SCAF4: variants seen among roughly 807,000 people sequenced by gnomAD.
SCAF4 encodes SR-related CTD associated factor 4.
In SCAF4, 25 loss-of-function variants were observed where a neutral mutation model predicts 129.8. The observed-to-expected ratio is 0.19, with a 90% confidence interval of 0.14 to 0.27. The LOEUF (loss-of-function observed/expected upper bound fraction) is 0.27, where lower values mean the gene tolerates loss of function less well. Among genes scored for constraint, SCAF4 ranks in the 10% least tolerant of loss-of-function variants. The pLI, the probability that SCAF4 is intolerant of heterozygous loss-of-function variation, is 1.00. For missense variants in SCAF4, 1,246 were observed against 1,457.1 expected (o/e 0.86, Z 2.36); for synonymous variants, 551 against 497.7 (o/e 1.11, Z -1.43).
At chr21:31,675,126 G>A (rs1465789634) in intron 19 of SCAF4, among the ~76,000 whole-genome samples, 2 of 152,262 alleles carry the variant, frequency 1.3e-5, no homozygotes, top group South Asian at 4.1e-4. Flanking sequence ...GTGGTTCAGA[G>A]AACCACAATA....
At chr21:31,729,710 T>C (rs527800770) in intron 1 of SCAF4, among the ~76,000 whole-genome samples, 2 of 152,366 alleles carry the variant, frequency 1.3e-5, no homozygotes, top group South Asian at 4.1e-4. Flanking sequence ...CTGGCATTCT[T>C]TGCAGTTCAT....
At chr21:31,728,604 A>G (rs911338966) in intron 1 of SCAF4, among the ~76,000 whole-genome samples, 2 of 152,146 alleles carry the variant, frequency 1.3e-5, no homozygotes, top group African/African-American at 4.8e-5. Context: ...CTCATCTGTA[A>G]TTGGACGTCT....
intron 1 of SCAF4, among the ~76,000 whole-genome samples, chr21:31,726,292 G>A (rs545133061): frequency 1.7e-3 from 260 of 152,204 alleles, no homozygotes; most frequent in African/African-American, 5.8e-3. Context: ...TCATCTGCCC[G>A]CCTCGGCCTC....
chr21:31,709,361 A>AG (rs1555851529), intron 1 of SCAF4, among the ~76,000 whole-genome samples: 16 of 151,422 alleles, frequency 1.1e-4, no homozygotes, highest in East Asian at 1.9e-4. Flanking sequence ...AAAAAAAAAA[A>AG]AAAGAAAGAA....
chr21:31,691,056 G>C lies in SCAF4; in HGVS notation c.1729-103C>G, dbSNP rs1386874598. On this transcript the variant is annotated intron_variant, in intron 14 of 19. Coordinates refer to ENST00000286835, the MANE Select transcript of SCAF4 (RefSeq NM_020706.2). ...CTATCCATTCCGACTCGGGCACCAAGGGAGCAATCTGGACCAGCTAGGCTT... is the reference window on the plus strand; with the variant it reads ...CTATCCATTCCGACTCGGGCACCAACGGAGCAATCTGGACCAGCTAGGCTT... 5.6e-6 allele frequency: 5 copies of C among 897,304 alleles called. No individual in the cohort carries two copies. In the East Asian group the frequency reaches 1.4e-4, roughly 25 times the overall value. The allele number at this position is 897,304 out of a possible 1,614,324, so 55.6% of individuals were successfully genotyped here.
intron 7 of SCAF4, among the ~76,000 whole-genome samples, chr21:31,700,061 A>G (rs1469501642): frequency 6.6e-6 from 1 of 151,914 alleles, no homozygotes; most frequent in South Asian, 2.1e-4. Flanking sequence ...CCTGGGGCCA[A>G]GCAACCCACC....
At chr21:31,717,825 C>T (rs2050955495) in intron 1 of SCAF4, among the ~76,000 whole-genome samples, 1 of 82,618 alleles carries the variant, frequency 1.2e-5, no homozygotes. Context: ...GAAACTGCTG[C>T]CATATATATA....
chr21:31,685,609 G>C lies in SCAF4; in HGVS notation c.2168C>G (p.Pro723Arg). Residue 723 changes from proline to arginine, a missense_variant, in exon 17 of 20, where the codon CCA (proline) becomes CGA (arginine). Physicochemically the swap from Pro to Arg is moderately radical, Grantham distance 103. Coordinates refer to ENST00000286835, the MANE Select transcript of SCAF4 (RefSeq NM_020706.2). The part of the protein sequence containing the change: ...PGVPPPPPPP[P>R]FLRPGFNPMH... Reference sequence around the variant, plus strand: ...TGGGTTGAATCCTGGGCGCAAAAATGGTGGAGGAGGAGGGGGAGGAGGAAC... The same window carrying C: ...TGGGTTGAATCCTGGGCGCAAAAATCGTGGAGGAGGAGGGGGAGGAGGAAC... 1 of 1,614,150 alleles carries C rather than the reference G, an allele frequency of 6.2e-7. No homozygotes were observed. The highest frequency in any genetic ancestry group is 1.1e-5 in the South Asian group (1 of 91,082).
At position 31,732,001 on chromosome 21, in the gene SCAF4, C is replaced by A. The variant is rs879097909; in HGVS notation, c.-309G>T. On this transcript the variant is annotated 5_prime_UTR_variant, in exon 1 of 20. Transcript: ENST00000286835. Reference sequence around the variant, plus strand: ...CGCTCTGCGTCTCGCTGACACGGCCCCCCGCGCCCTCACGCACTGGCTCAC... The same window carrying A: ...CGCTCTGCGTCTCGCTGACACGGCCACCCGCGCCCTCACGCACTGGCTCAC... 8 of 471,842 alleles carry A rather than the reference C, an allele frequency of 1.7e-5. No individual in the cohort carries two copies. In the South Asian group the frequency reaches 3.4e-4, roughly 20 times the overall value. The allele number at this position is 471,842 out of a possible 1,614,324, so 29.2% of individuals were successfully genotyped here.
At chr21:31,695,165 T>C (rs1048106440) in intron 9 of SCAF4, among the ~76,000 whole-genome samples, 185 bp from the exon 10 acceptor site, 3 of 152,196 alleles carry the variant, frequency 2.0e-5, no homozygotes, top group South Asian at 2.1e-4. Context: ...ACCAAGTATA[T>C]AGGTTAAAAA....
At chr21:31,691,649 G>A (rs1428117185) in intron 14 of SCAF4, among the ~76,000 whole-genome samples, 168 bp downstream of exon 14, 4 of 146,544 alleles carry the variant, frequency 2.7e-5, no homozygotes, top group Non-Finnish European at 4.5e-5. Flanking sequence ...TGAAACACTG[G>A]AGTTCTTTTA....
intron 1 of SCAF4, among the ~76,000 whole-genome samples, chr21:31,726,192 C>G (rs1195269387): frequency 6.6e-6 from 1 of 151,906 alleles, no homozygotes. Context: ...ATTACAGGCG[C>G]CCGCCACCAC....
chr21:31,697,053 T>C (rs1183006697), intron 7 of SCAF4, among the ~76,000 whole-genome samples: 1 of 152,184 alleles, frequency 6.6e-6, no homozygotes. Context: ...TTTTCTAAAA[T>C]ACTCATTTCC....
At chr21:31,675,348 G>T (rs1340913786) in intron 19 of SCAF4, among the ~76,000 whole-genome samples, 1 of 152,174 alleles carries the variant, frequency 6.6e-6, no homozygotes, top group Non-Finnish European at 1.5e-5. Context: ...GTAGTGTATA[G>T]GATAGCTAAG....
intron 15 of SCAF4, among the ~76,000 whole-genome samples, chr21:31,689,053 T>G (rs1347022401): frequency 1.3e-5 from 2 of 152,326 alleles, no homozygotes; most frequent in Admixed American, 1.3e-4. Flanking sequence ...AGCTTTTCAA[T>G]ACATTCTCCA....
intron 3 of SCAF4, among the ~76,000 whole-genome samples, chr21:31,704,898 A>G (rs1431830973): frequency 1.3e-5 from 2 of 152,166 alleles, no homozygotes; most frequent in Non-Finnish European, 2.9e-5. Context: ...CATTTTTATA[A>G]ACACTGATTA....
intron 1 of SCAF4, 111 bp downstream of exon 1, chr21:31,731,552 G>C: frequency 2.3e-6 from 3 of 1,313,424 alleles, no homozygotes; most frequent in Admixed American, 3.9e-5. Context: ...CCCGGAACCG[G>C]GGCAGGAAGC....
At chr21:31,719,540 T>C (rs762538319) in intron 1 of SCAF4, among the ~76,000 whole-genome samples, 4 of 152,136 alleles carry the variant, frequency 2.6e-5, no homozygotes, top group Non-Finnish European at 5.9e-5. Context: ...GCTTCACGCT[T>C]GTTGCCCAGG....
At chr21:31,714,294 T>C (rs2050874779) in intron 1 of SCAF4, among the ~76,000 whole-genome samples, 1 of 152,122 alleles carries the variant, frequency 6.6e-6, no homozygotes, top group African/African-American at 2.4e-5. Flanking sequence ...TATCTGTGAA[T>C]GAATAAAAAG....
Sources: allele counts gnomAD v4.1 joint callset (sites outside exome capture counted in the v4.1 genomes callset), GRCh38; gene constraint gnomAD v4.1.1; transcripts MANE v1.5; gene names NCBI Gene and HGNC (gene_info 2026-07-23, HGNC 2026-07-21).